The following PCDHGA8 variants were observed in gnomAD, a reference collection of about 807,000 sequenced individuals.
PCDHGA8 encodes protocadherin gamma-A8.
In PCDHGA8, 45 loss-of-function variants were observed where a neutral mutation model predicts 59.2. The observed-to-expected ratio is 0.76, with a 90% CI of 0.60 to 0.98. PCDHGA8 has a LOEUF of 0.98. Ranked by LOEUF, PCDHGA8 falls within the 50% of genes least tolerant of loss-of-function variation. The probability of loss-of-function intolerance (pLI) is 0.00; values close to 1 mark genes in which losing one functional copy is unlikely to be tolerated. For synonymous variants in PCDHGA8, 531 were observed against 519.0 expected, an observed-to-expected ratio of 1.02 and a Z score of -0.32; for missense variants, 1,257 against 1,196.2, an observed-to-expected ratio of 1.05 and a Z score of -0.75.
intron 1 of PCDHGA8, chr5:141,408,940 A>G: frequency 1.2e-6 from 2 of 1,613,658 alleles, no homozygotes; most frequent in Non-Finnish European, 1.7e-6. Context: ...GCAGAGACGA[A>G]TATAGAATTA....
rs55729045 is a variant in PCDHGA8 at position 141,395,542 on chromosome 5, TTGTGTGTGTGTGTGTG to T, written c.2424+339_2424+354del. 64 of 172,628 alleles carry T rather than the reference TTGTGTGTGTGTGTGTG, an allele frequency of 3.7e-4. 1 individual carries two copies. Among genetic ancestry groups the T allele is most frequent in the South Asian group, 2.0e-3 (23 of 11,528 alleles). The allele number at this position is 172,628 out of a possible 1,614,324, so 10.7% of individuals were successfully genotyped here. A position where few individuals can be genotyped will look rare whatever the true frequency, so the allele number is the denominator to read the frequency against. ...TCCATACTGGTAATTTTGCTATTGT[TTGTGTGTGTGTGTGTG>T]TGTGTGTGTGTGTGTGTGTGTGTGT... On this transcript the variant is annotated intron_variant, in intron 1 of 3. Coordinates refer to ENST00000398604, the MANE Select transcript of PCDHGA8 (RefSeq NM_032088.2).
At chr5:141,423,659 A>T (rs369390148) in intron 1 of PCDHGA8, 133 of 1,551,038 alleles carry the variant, frequency 8.6e-5, no homozygotes, top group Non-Finnish European at 1.1e-4. Context: ...ACAAGTAATC[A>T]GGTGAGATTT....
intron 1 of PCDHGA8, among the ~76,000 whole-genome samples, chr5:141,447,650 T>G (rs555134653): frequency 1.3e-5 from 2 of 151,988 alleles, no homozygotes; most frequent in Non-Finnish European, 2.9e-5. Flanking sequence ...GGTAGAATTT[T>G]CCCCCCCAGG....
intron 1 of PCDHGA8, among the ~76,000 whole-genome samples, chr5:141,456,584 A>G (rs990911693): frequency 6.6e-6 from 1 of 152,212 alleles, no homozygotes; most frequent in Non-Finnish European, 1.5e-5. Flanking sequence ...TGAGCCTGTC[A>G]ATAATTTTGA....
At chr5:141,419,246 GAAAACAACCAGCC>G (rs749331717) in intron 1 of PCDHGA8, 1 of 1,614,004 alleles carries the variant, frequency 6.2e-7, no homozygotes, top group South Asian at 1.1e-5. Flanking sequence ...CCACGTGCCA[GAAAACAACCAGCC>G]GGGTGCCTCC....
At chr5:141,467,352 C>A (rs2099142466) in intron 1 of PCDHGA8, among the ~76,000 whole-genome samples, 1 of 152,140 alleles carries the variant, frequency 6.6e-6, no homozygotes, top group South Asian at 2.1e-4. Context: ...TGCCCCCGGC[C>A]AAATCAACGT....
chr5:141,488,040 G>A (rs1212272063), intron 1 of PCDHGA8, among the ~76,000 whole-genome samples: 1 of 152,112 alleles, frequency 6.6e-6, no homozygotes, highest in Non-Finnish European at 1.5e-5. Flanking sequence ...CATTTCCCAA[G>A]GGATTGAGGG....
intron 1 of PCDHGA8, chr5:141,430,495 T>C: frequency 3.4e-6 from 1 of 293,400 alleles, no homozygotes; most frequent in Non-Finnish European, 6.2e-6. Context: ...GAAATATCCT[T>C]TCTGGGAGTT....
chr5:141,410,589 A>G (rs2095410065), intron 1 of PCDHGA8: 1 of 1,609,086 alleles, frequency 6.2e-7, no homozygotes, highest in Non-Finnish European at 8.5e-7. Flanking sequence ...GGTGGGGAGG[A>G]TTTGACTTCA....
chr5:141,511,062 C>T lies in PCDHGA8; in HGVS notation c.2688C>T (p.Tyr896=), dbSNP rs775583963. The change falls in exon 4 of 4, where the codon TAC becomes TAT. Residue 896 remains tyrosine, a synonymous_variant. Transcript: ENST00000398604. ...TGCCCGACTACCGCCAGAATGTCTACATCCCAGGCAGCAATGCCACACTGA... is the reference window on the plus strand; with the variant it reads ...TGCCCGACTACCGCCAGAATGTCTATATCCCAGGCAGCAATGCCACACTGA... ...QHVPDYRQNV[Y]IPGSNATLTN... The T allele has an allele frequency of 6.2e-7, 1 of 1,614,246 alleles. No homozygotes were observed. The highest frequency in any genetic ancestry group is 1.3e-5 in the African/African-American group (1 of 75,064).
At chr5:141,418,603 G>C in intron 1 of PCDHGA8, 1 of 1,614,020 alleles carries the variant, frequency 6.2e-7, no homozygotes, top group Non-Finnish European at 8.5e-7. Context: ...ACGTGTACAG[G>C]GTTAGCCTTC....
intron 1 of PCDHGA8, among the ~76,000 whole-genome samples, chr5:141,466,975 A>C (rs769024064): frequency 2.6e-5 from 4 of 151,842 alleles, no homozygotes; most frequent in Non-Finnish European, 5.9e-5. Context: ...CTCACAGCTC[A>C]TCATTTACCT....
chr5:141,403,259 C>G, intron 1 of PCDHGA8: 1 of 1,613,866 alleles, frequency 6.2e-7, no homozygotes, highest in South Asian at 1.1e-5. Context: ...CCCGCGGTGT[C>G]TGGTGAACTT....
chr5:141,502,679 T>C (rs943238781), intron 2 of PCDHGA8, among the ~76,000 whole-genome samples: 1 of 152,236 alleles, frequency 6.6e-6, no homozygotes, highest in Non-Finnish European at 1.5e-5. Flanking sequence ...TAGTATTCCC[T>C]GATGATCCTT....
intron 1 of PCDHGA8, chr5:141,403,576 C>T (rs976638680): frequency 1.9e-6 from 3 of 1,613,946 alleles, no homozygotes; most frequent in Non-Finnish European, 2.5e-6. Context: ...CAACTGCCCA[C>T]CACCTGGTCC....
chr5:141,489,701 T>C lies in PCDHGA8; in HGVS notation c.2425-5106T>C, dbSNP rs1038902932. The C allele has an allele frequency of 1.9e-6, 3 of 1,614,128 alleles. No homozygotes were observed. The highest frequency in any genetic ancestry group is 2.5e-6 in the Non-Finnish European group (3 of 1,179,944). On this transcript the variant is annotated intron_variant, in intron 1 of 3. Transcript: ENST00000398604. The surrounding 1 kb of genome is among the most constrained non-coding windows in gnomAD (Gnocchi z 4.5). ...GCAGCATCTGGGGCACGATTCCCAC[T>C]GGACAGTGCCCAGGATCCGGATGTG...
At chr5:141,426,231 C>A in intron 1 of PCDHGA8, 1 of 158,042 alleles carries the variant, frequency 6.3e-6, no homozygotes, top group Non-Finnish European at 1.4e-5. Flanking sequence ...ATTTTAAAAG[C>A]ACTTTGTGAA....
chr5:141,489,060 TC>T lies in PCDHGA8; in HGVS notation c.2425-5741del, dbSNP rs1037208652. 41 of 300,146 alleles carry T rather than the reference TC, an allele frequency of 1.4e-4. No individual in the cohort carries two copies. The highest frequency in any genetic ancestry group is 2.3e-4 in the Non-Finnish European group (38 of 162,914). The allele number at this position is 300,146 out of a possible 1,614,324, so 18.6% of individuals were successfully genotyped here. A position where few individuals can be genotyped will look rare whatever the true frequency, so the allele number is the denominator to read the frequency against. On this transcript the variant is annotated intron_variant, in intron 1 of 3. Coordinates refer to ENST00000398604, the MANE Select transcript of PCDHGA8 (RefSeq NM_032088.2). This position sits in a 1 kb window ranked among gnomAD's most constrained non-coding sequence, Gnocchi z 4.5. ...CAGCTCCACTCAAATTCAGCTCCCC[TC>T]CCCCCTGCCCACCCCCGCCACTCGG...
In PCDHGA8 at chr5:141,414,656, C is replaced by A. The variant is rs1409573217; in HGVS notation, c.2424+19419C>A. The A allele has an allele frequency of 1.2e-5, 20 of 1,614,008 alleles. No individual in the cohort carries two copies. Among genetic ancestry groups the A allele is most frequent in the Non-Finnish European group, 1.7e-5 (20 of 1,179,888 alleles). On this transcript the variant is annotated intron_variant, in intron 1 of 3. Transcript: ENST00000398604. ...AAAGAGAATGCCCAGATTATTTACTCCCTGGCTGAAGACACCATCCAGGGG... is the reference window on the plus strand; with the variant it reads ...AAAGAGAATGCCCAGATTATTTACTACCTGGCTGAAGACACCATCCAGGGG...
Sources: allele counts gnomAD v4.1 joint callset (sites outside exome capture counted in the v4.1 genomes callset), GRCh38; gene constraint gnomAD v4.1.1; non-coding constraint Gnocchi (gnomAD v3.1); transcripts MANE v1.5; gene names NCBI Gene and HGNC (gene_info 2026-07-23, HGNC 2026-07-21).